The following PRRG1 variants were observed in gnomAD, a reference collection of about 807,000 sequenced individuals.
PRRG1 encodes transmembrane gamma-carboxyglutamic acid protein 1.
In PRRG1, 5 loss-of-function variants were observed where a neutral mutation model predicts 11.8. The ratio of observed to expected loss-of-function variants is 0.42; its 90% CI spans 0.22 to 0.89. PRRG1 has a LOEUF of 0.89. Among genes scored for constraint, PRRG1 ranks in the 40% least tolerant of loss-of-function variants. The probability of loss-of-function intolerance (pLI) is 0.28; values close to 1 mark genes in which losing one functional copy is unlikely to be tolerated. For missense variants in PRRG1, 155 were observed against 166.1 expected (o/e 0.93, Z 0.37); for synonymous variants, 66 against 60.4 (o/e 1.09, Z -0.43).
chrX:37,420,223 C>T (rs1932615418), intron 2 of PRRG1, among the ~76,000 whole-genome samples: 1 of 111,384 alleles, frequency 9.0e-6, no homozygotes, highest in Non-Finnish European at 1.9e-5. Context: ...TTTGTTCTGA[C>T]AACCCTTTTT....
chrX:37,417,674 T>C (rs992465907), intron 2 of PRRG1, among the ~76,000 whole-genome samples: 2 of 111,489 alleles, frequency 1.8e-5, no homozygotes, highest in Non-Finnish European at 3.8e-5. Context: ...GGAAAAGTTG[T>C]TTCCATCAGT....
chrX:37,391,092 C>CT (rs782330942), intron 1 of PRRG1, among the ~76,000 whole-genome samples: 1 of 111,958 alleles, frequency 8.9e-6, no homozygotes, highest in South Asian at 3.8e-4. Context: ...TCAGATCTGA[C>CT]TCTTCCAACC....
At chrX:37,413,365 T>C (rs1932403645) in intron 2 of PRRG1, among the ~76,000 whole-genome samples, 4 of 110,990 alleles carry the variant, frequency 3.6e-5, no homozygotes. Flanking sequence ...TTATTATCTC[T>C]GTGATTTTGC....
chrX:37,423,841 A>G (rs1244576821), intron 2 of PRRG1, among the ~76,000 whole-genome samples: 1 of 110,140 alleles, frequency 9.1e-6, no homozygotes, highest in Non-Finnish European at 1.9e-5. Flanking sequence ...TGCCCTGCAA[A>G]CTCCTTTTAT....
At chrX:37,403,702 C>A in intron 1 of PRRG1, 1 of 728,584 alleles carries the variant, frequency 1.4e-6, no homozygotes, top group African/African-American at 2.4e-5. Context: ...CACACACAGA[C>A]AAAAAAGAAG....
chrX:37,355,108 G>A (rs1930196106), intron 1 of PRRG1, among the ~76,000 whole-genome samples: 1 of 109,960 alleles, frequency 9.1e-6, no homozygotes, highest in East Asian at 2.9e-4. Flanking sequence ...TTTTTGAGAT[G>A]AGGTCTCACT....
At chrX:37,426,808 T>C (rs5963499) in intron 3 of PRRG1, among the ~76,000 whole-genome samples, 22,061 of 111,515 alleles carry the variant, frequency 0.2, 2,515 homozygotes, top group African/African-American at 0.43. Context: ...TCCAGCTTTT[T>C]CCCTTTGCAT....
At chrX:37,407,235 G>C (rs782768377) in intron 2 of PRRG1, among the ~76,000 whole-genome samples, 46 of 110,700 alleles carry the variant, frequency 4.2e-4, no homozygotes, top group African/African-American at 1.5e-3. Context: ...GACTGAAAGG[G>C]GGAGGTCTGG....
intron 3 of PRRG1, among the ~76,000 whole-genome samples, chrX:37,428,856 G>A (rs1556389134): frequency 8.9e-6 from 1 of 112,821 alleles, no homozygotes. Flanking sequence ...CTGGACATCT[G>A]GGTGTTTCCA....
intron 1 of PRRG1, among the ~76,000 whole-genome samples, chrX:37,359,505 C>T (rs782032030): frequency 1.6e-4 from 18 of 111,025 alleles, no homozygotes; most frequent in South Asian, 7.5e-4. Flanking sequence ...TTGATCATAG[C>T]GTATAATTTT....
chrX:37,446,716 AGGGGCAT>A (rs1933083512), intron 3 of PRRG1, among the ~76,000 whole-genome samples: 1 of 111,723 alleles, frequency 9.0e-6, no homozygotes, highest in East Asian at 2.8e-4. Context: ...GGGAAGTTCA[AGGGGCAT>A]GGGGCTAGTA....
chrX:37,430,518 C>A (rs782027813), intron 3 of PRRG1, among the ~76,000 whole-genome samples: 5 of 111,683 alleles, frequency 4.5e-5, no homozygotes, highest in Non-Finnish European at 7.5e-5. Context: ...ATATTAATAA[C>A]TCATTTGCTT....
chrX:37,405,206 C>T (rs782703220), intron 1 of PRRG1, among the ~76,000 whole-genome samples: 24 of 112,029 alleles, frequency 2.1e-4, no homozygotes, highest in African/African-American at 7.8e-4. Flanking sequence ...GAATAACACA[C>T]TTTTTAACAT....
At chrX:37,422,125 C>T (rs114513263) in intron 2 of PRRG1, among the ~76,000 whole-genome samples, 4,689 of 111,826 alleles carry the variant, frequency 0.042, 254 homozygotes, top group African/African-American at 0.15. Context: ...TTTCTGGTTA[C>T]TGGAGTCAGT....
At position 37,422,684 on chromosome X, in the gene PRRG1, A is replaced by G. The variant is rs146709447; in HGVS notation, c.11-3156A>G. On this transcript the variant is annotated intron_variant, in intron 2 of 3. Coordinates refer to ENST00000378628, the MANE Select transcript of PRRG1 (RefSeq NM_001142395.2). The stretch of plus-strand genomic sequence containing the variant: ...TATCATGTTCCTTTTCAGATTTACA[A>G]ATACATGCATGCATAATGATGTTTC... Among the ~76,000 whole-genome samples, 59 of 111,978 alleles carry G rather than the reference A, an allele frequency of 5.3e-4. 2 individuals carry two copies. The East Asian group carries it at 0.015, about 29-fold the overall frequency.
chrX:37,410,896 G>A (rs886511125), intron 2 of PRRG1, among the ~76,000 whole-genome samples: 5 of 112,343 alleles, frequency 4.5e-5, no homozygotes, highest in Non-Finnish European at 9.4e-5. Flanking sequence ...CACCAGAATA[G>A]CATGAGATGA....
At chrX:37,403,050 A>G (rs1356388933) in intron 1 of PRRG1, among the ~76,000 whole-genome samples, 129 of 110,085 alleles carry the variant, frequency 1.2e-3, no homozygotes, top group African/African-American at 3.9e-3. Flanking sequence ...AACTAGTTCA[A>G]CCATTGTGGA....
intron 1 of PRRG1, among the ~76,000 whole-genome samples, chrX:37,398,479 G>C (rs1931804366): frequency 9.0e-6 from 1 of 111,652 alleles, no homozygotes; most frequent in Non-Finnish European, 1.9e-5. Context: ...AAACCCATCT[G>C]TATATCACCA....
At chrX:37,393,193 A>G (rs1436778959) in intron 1 of PRRG1, among the ~76,000 whole-genome samples, 3 of 110,814 alleles carry the variant, frequency 2.7e-5, no homozygotes, top group African/African-American at 6.6e-5. Context: ...CCTAGTGTAT[A>G]TAGCACTGAA....
Sources: gnomAD v4.1 joint callset for allele counts (sites outside exome capture counted in the v4.1 genomes callset) on GRCh38, gnomAD v4.1.1 for gene constraint, MANE v1.5 for transcripts, NCBI Gene and HGNC (gene_info 2026-07-23, HGNC 2026-07-21) for gene names.